Variants in C7orf57 observed in about 807,000 individuals in gnomAD.
C7orf57 encodes the protein uncharacterized protein C7orf57.
A neutral mutation model predicts 39.0 loss-of-function variants in C7orf57; 33 were observed. The ratio of observed to expected loss-of-function variants is 0.85; its 90% CI spans 0.64 to 1.13. The LOEUF is 1.13. Ranked by LOEUF, C7orf57 falls within the 50% of genes most tolerant of loss-of-function variation. The pLI is 0.00. For synonymous variants in C7orf57, 124 were observed against 137.1 expected (o/e 0.90, Z 0.67); for missense variants, 346 against 362.3 (o/e 0.95, Z 0.37).
At position 48,035,653 on chromosome 7, in the gene C7orf57, A is replaced by T. The variant is rs1228416634; in HGVS notation, c.-102+23A>T. The T allele has an allele frequency of 1.5e-6, 1 of 654,030 alleles. No homozygotes were observed. The highest frequency in any genetic ancestry group is 1.8e-5 in the African/African-American group (1 of 54,104). 40.5% of individuals were successfully genotyped at this position (654,030 alleles called of 1,614,324 possible). On this transcript the variant is annotated intron_variant, in intron 1 of 8. Transcript: ENST00000348904. This position sits in a 1 kb window ranked among gnomAD's most constrained non-coding sequence, Gnocchi z 4.0. ...CTGGTGAGCCTGAGCGGGCTGGAGG[A>T]CAATGGGGGCGCCCACTGTGGTCCC...
intron 7 of C7orf57, chr7:48,053,127 C>T (rs149639597): frequency 3.2e-5 from 22 of 682,514 alleles, no homozygotes; most frequent in East Asian, 1.7e-4. Context: ...AAATGAATAG[C>T]GGAAGTCATG....
chr7:48,036,429 C>T (rs1790365741), intron 2 of C7orf57, 66 bp downstream of exon 2: 2 of 1,408,976 alleles, frequency 1.4e-6, no homozygotes, highest in East Asian at 2.5e-5. Context: ...TTGCTAGACA[C>T]GCTGTGGACC....
chr7:48,039,725 G>A (rs1293735603), intron 2 of C7orf57, among the ~76,000 whole-genome samples: 2 of 151,774 alleles, frequency 1.3e-5, no homozygotes, highest in Admixed American at 6.6e-5. Context: ...TACCCAAGAA[G>A]AGGATATTGT....
In C7orf57 at chr7:48,046,444, G is replaced by C. The variant is rs2128793634; in HGVS notation, c.351-16G>C. 6.2e-7 allele frequency: 1 copy of C among 1,609,136 alleles called. No homozygotes were observed. The highest frequency in any genetic ancestry group is 8.5e-7 in the Non-Finnish European group (1 of 1,177,438). ...GGCTCTGAGCACCAGGCTGTAACTG[G>C]TGTCTGTCCTTGCAGAGTGCGGGCT... is the stretch of plus-strand genomic sequence containing the variant. On this transcript the variant is annotated splice_polypyrimidine_tract_variant and intron_variant, in intron 4 of 8. Coordinates refer to ENST00000348904, the MANE Select transcript of C7orf57 (RefSeq NM_001100159.3).
chr7:48,040,303 C>T (rs773518481), intron 2 of C7orf57, among the ~76,000 whole-genome samples: 4 of 152,218 alleles, frequency 2.6e-5, no homozygotes, highest in African/African-American at 4.8e-5. Flanking sequence ...GACAGAGAAC[C>T]GCTCTCTTCC....
Position 48,035,965 on chromosome 7 carries a change from G to A in C7orf57, c.-101-243G>A, listed in dbSNP as rs1352993086. The stretch of plus-strand genomic sequence containing the variant: ...GTGAATGTGCCCCTGCTGTGTACCC[G>A]GAGTGCGTACGTCCCTGCTGTGTAC... On this transcript the variant is annotated intron_variant, in intron 1 of 8. Transcript: ENST00000348904. This position sits in a 1 kb window ranked among gnomAD's most constrained non-coding sequence, Gnocchi z 4.0. 6.6e-6 allele frequency among the ~76,000 whole-genome samples: 1 copy of A among 151,672 alleles called. No homozygotes were observed. The highest frequency in any genetic ancestry group is 2.4e-5 in the African/African-American group (1 of 41,232).
chr7:48,059,481 G>T (rs1413181360), intron 8 of C7orf57, among the ~76,000 whole-genome samples: 1 of 152,178 alleles, frequency 6.6e-6, no homozygotes, highest in Non-Finnish European at 1.5e-5. Flanking sequence ...CTCCTGAGCA[G>T]CTGGGACTAC....
intron 2 of C7orf57, among the ~76,000 whole-genome samples, chr7:48,037,799 C>T (rs1299511230): frequency 5.3e-5 from 7 of 131,976 alleles, no homozygotes; most frequent in Non-Finnish European, 1.2e-4. Flanking sequence ...GAGGTGGTCA[C>T]AAATGGTTCT....
At chr7:48,041,682 C>G (rs1790557136) in intron 3 of C7orf57, 163 bp downstream of exon 3, 1 of 468,270 alleles carries the variant, frequency 2.1e-6, no homozygotes, top group Non-Finnish European at 3.6e-6. Context: ...AGCATGATCT[C>G]CAGGGATGAG....
At chr7:48,051,762 C>CTTTCTTTCT (rs1554299665) in intron 6 of C7orf57, among the ~76,000 whole-genome samples, 3,737 of 34,622 alleles carry the variant, frequency 0.11, 409 homozygotes, top group Non-Finnish European at 0.13. Context: ...TTCTTTCTTT[C>CTTTCTTTCT]TTTCTTTCTT....
chr7:48,045,355 T>G (rs1448314483), intron 4 of C7orf57, among the ~76,000 whole-genome samples: 1 of 152,150 alleles, frequency 6.6e-6, no homozygotes, highest in East Asian at 1.9e-4. Context: ...ACATCAGAAG[T>G]GGGAGGCCTG....
intron 4 of C7orf57, 110 bp downstream of exon 4, chr7:48,043,699 G>A: frequency 2.4e-6 from 2 of 836,154 alleles, no homozygotes; most frequent in East Asian, 2.7e-5. Flanking sequence ...CATGTGATAT[G>A]ACAACTTCAG....
At chr7:48,045,125 G>A (rs536468631) in intron 4 of C7orf57, among the ~76,000 whole-genome samples, 4 of 152,186 alleles carry the variant, frequency 2.6e-5, no homozygotes, top group East Asian at 1.9e-4. Context: ...AGTGTTTTCC[G>A]TCCTCCTGGG....
intron 3 of C7orf57, 39 bp from the exon 4 acceptor site, chr7:48,043,442 G>A (rs377398134): frequency 4.7e-6 from 7 of 1,494,716 alleles, no homozygotes; most frequent in Middle Eastern, 1.7e-4. Flanking sequence ...GTGTAGGGGC[G>A]GCGGGGTGTC....
intron 2 of C7orf57, among the ~76,000 whole-genome samples, chr7:48,041,057 A>G (rs2128791024): frequency 6.6e-6 from 1 of 152,284 alleles, no homozygotes; most frequent in East Asian, 1.9e-4. Flanking sequence ...CTCCCTGGGA[A>G]GCGAAAGCAC....
intron 6 of C7orf57, among the ~76,000 whole-genome samples, chr7:48,051,262 G>C (rs1050010795): frequency 2.7e-5 from 4 of 150,576 alleles, no homozygotes; most frequent in Non-Finnish European, 5.9e-5. Flanking sequence ...GCTCACAGCA[G>C]CCTCCACCTC....
At chr7:48,054,031 T>C (rs532704533) in intron 7 of C7orf57, among the ~76,000 whole-genome samples, 2 of 152,342 alleles carry the variant, frequency 1.3e-5, no homozygotes, top group East Asian at 1.9e-4. Flanking sequence ...ACTGTATTTG[T>C]TGAACAAGAT....
Position 48,046,298 on chromosome 7 carries a change from A to G in C7orf57, c.351-162A>G, listed in dbSNP as rs1052430481. Among the ~76,000 whole-genome samples the G allele has an allele frequency of 4.6e-5, 7 of 151,290 alleles. 2 individuals carry two copies. ...GAAAGAGAGAGAGCAGGAGAGGGAG[A>G]GAGAGGGAGAGAGAGAGGAGAAAGG... On this transcript the variant is annotated intron_variant, in intron 4 of 8. Coordinates refer to ENST00000348904, the MANE Select transcript of C7orf57 (RefSeq NM_001100159.3).
intron 2 of C7orf57, among the ~76,000 whole-genome samples, chr7:48,039,408 G>A (rs1036716323): frequency 6.6e-6 from 1 of 151,940 alleles, no homozygotes; most frequent in Non-Finnish European, 1.5e-5. Context: ...AAGGAGGCAC[G>A]TCCAGCTTTC....
Sources: gnomAD v4.1 joint callset for allele counts (sites outside exome capture counted in the v4.1 genomes callset) on GRCh38, gnomAD v4.1.1 for gene constraint, Gnocchi (gnomAD v3.1) non-coding constraint, MANE v1.5 for transcripts, NCBI Gene and HGNC (gene_info 2026-07-23, HGNC 2026-07-21) for gene names.